The following FBN3 variants were observed in gnomAD, a reference collection of about 807,000 sequenced individuals.
The protein encoded by FBN3 is fibrillin 3.
In FBN3, 234 loss-of-function variants were observed where a neutral mutation model predicts 330.1. That is an observed-to-expected ratio of 0.71 (90% confidence interval 0.64 to 0.79). The LOEUF is 0.79. FBN3 is among the 30% of genes least tolerant of loss of function. FBN3 has a pLI of 0.00. For missense variants in FBN3, 3,606 were observed against 3,886.9 expected (o/e 0.93, Z 1.92); for synonymous variants, 1,458 against 1,517.3 (o/e 0.96, Z 0.91).
chr19:8,111,268 A>G, intron 32 of FBN3, 85 bp from the exon 33 acceptor site: 1 of 1,471,412 alleles, frequency 6.8e-7, no homozygotes, highest in Non-Finnish European at 9.1e-7. Context: ...TCACTGGAAC[A>G]CTTCGCTGTC....
Position 8,102,811 on chromosome 19 carries a change from T to G in FBN3, c.5002A>C (p.Asn1668His). The part of the protein sequence containing the change: ...NGTCQNELAF[N>H]VTRKMCCCSY... ...CAGCAACACATTTTCCGGGTCACGT[T>G]GAAGGCCAGCTCATTTTGACATGTG... The change falls in exon 40 of 64, where the codon AAC becomes CAC. Residue 1668 changes from asparagine to histidine, a missense_variant. By Grantham distance (68) the Asn-to-His change is moderately conservative. Transcript: ENST00000600128. 2 of 1,614,084 alleles carry G rather than the reference T, an allele frequency of 1.2e-6. No individual in the cohort carries two copies. Among genetic ancestry groups the G allele is most frequent in the Non-Finnish European group, 1.7e-6 (2 of 1,180,012 alleles).
chr19:8,103,444 C>A, intron 39 of FBN3, 118 bp downstream of exon 39: 1 of 1,053,382 alleles, frequency 9.5e-7, no homozygotes. Flanking sequence ...TGCCACATGT[C>A]AGCACTTCAT....
At chr19:8,145,680 CAAAAAAAAAA>C (rs56250248) in intron 5 of FBN3, among the ~76,000 whole-genome samples, 153 bp downstream of exon 5, 7 of 108,742 alleles carry the variant, frequency 6.4e-5, no homozygotes, top group Admixed American at 9.7e-5. Context: ...GACTCTGTCT[CAAAAAAAAAA>C]AAAAAAAAAA....
rs1392591581 is a variant in FBN3, at chr19:8,087,812, T to G, written c.6619+13A>C. On this transcript the variant is annotated intron_variant, in intron 53 of 63. Coordinates refer to ENST00000600128, the MANE Select transcript of FBN3 (RefSeq NM_032447.5). ...TAGTAGAGACAGGGTTTTACCATAT[T>G]AGTCAGGCCTACCTCGACACATGGC... is the stretch of plus-strand genomic sequence containing the variant. The G allele has an allele frequency of 1.2e-6, 2 of 1,610,700 alleles. No homozygotes were observed. Among genetic ancestry groups the G allele is most frequent in the Non-Finnish European group, 1.7e-6 (2 of 1,177,030 alleles).
chr19:8,136,222 AAGCCCGGGT>A lies in FBN3; in HGVS notation c.1424_1432del (p.Tyr475_Gly477del). On this transcript the variant is annotated inframe_deletion, in exon 12 of 64. Transcript: ENST00000600128. ...TGCCTGCCTGGTGGGCGTGGCCTGG[AAGCCCGGGT>A]AGCACCGGCAGTGGTAGGTGCCGGG... 6.2e-7 allele frequency: 1 copy of A among 1,612,692 alleles called. No individual in the cohort carries two copies. The highest frequency in any genetic ancestry group is 1.7e-5 in the Admixed American group (1 of 59,896).
rs182716206 is a variant in FBN3, at chr19:8,081,349, G to C, written c.7336+9C>G. The C allele has an allele frequency of 6.3e-7, 1 of 1,592,748 alleles. No homozygotes were observed. Among genetic ancestry groups the C allele is most frequent in the Non-Finnish European group, 8.5e-7 (1 of 1,169,744 alleles). On this transcript the variant is annotated intron_variant, in intron 58 of 63. Coordinates refer to ENST00000600128, the MANE Select transcript of FBN3 (RefSeq NM_032447.5). ...TGGTGGGAGTGGGGGAGAGTTGAAAGGACATCACCTTTGCAGGTCCTGCCA... is the reference window on the plus strand; with the variant it reads ...TGGTGGGAGTGGGGGAGAGTTGAAACGACATCACCTTTGCAGGTCCTGCCA...
intron 21 of FBN3, 37 bp from the exon 22 acceptor site, chr19:8,126,054 A>G: frequency 6.2e-7 from 1 of 1,612,718 alleles, no homozygotes; most frequent in Non-Finnish European, 8.5e-7. Flanking sequence ...GGGTCCAGGG[A>G]GGGGAAGGGT....
chr19:8,130,612 GAAAGAAAGAAAGAAAGAAAGAAAGAAA>G (rs2083109770), intron 16 of FBN3, among the ~76,000 whole-genome samples: 1 of 6,802 alleles, frequency 1.5e-4, no homozygotes, highest in African/African-American at 1.1e-3. Flanking sequence ...AAGAAAGAAA[GAAAGAAAGAAAGAAAGAAAGAAAGAAA>G]GAAAGGAAAG....
At chr19:8,147,675 A>G in intron 1 of FBN3, 178 bp from the exon 2 acceptor site, 1 of 475,418 alleles carries the variant, frequency 2.1e-6, no homozygotes, top group Admixed American at 3.8e-5. Context: ...GGCTTCCTGG[A>G]GGAGGTGTGA....
At chr19:8,126,268 G>C (rs1383110913) in intron 21 of FBN3, 29 bp downstream of exon 21, 1 of 1,578,972 alleles carries the variant, frequency 6.3e-7, no homozygotes, top group Admixed American at 1.9e-5. Flanking sequence ...CTGGAGTAGG[G>C]GGTGAGCTGG....
At chr19:8,081,847 T>A (rs963144705) in intron 57 of FBN3, among the ~76,000 whole-genome samples, 3 of 147,468 alleles carry the variant, frequency 2.0e-5, no homozygotes, top group African/African-American at 7.6e-5. Context: ...AAAACACAAC[T>A]GAAAAATATC....
At position 8,129,472 on chromosome 19, in the gene FBN3, A is replaced by C; in HGVS notation, c.2045-107T>G. On this transcript the variant is annotated intron_variant, in intron 16 of 63. Transcript: ENST00000600128. The surrounding 1 kb of genome is among the most constrained non-coding windows in gnomAD (Gnocchi z 4.5). ...GGGGTCTCTAGAAGTCAGATTCCCC[A>C]AGGCCATAGCTCCAGCCCAGACCCG... 6.9e-7 allele frequency: 1 copy of C among 1,454,634 alleles called. No homozygotes were observed. Among genetic ancestry groups the C allele is most frequent in the Non-Finnish European group, 9.4e-7 (1 of 1,065,194 alleles). The allele number at this position is 1,454,634 out of a possible 1,614,324, so 90.1% of individuals were successfully genotyped here.
At chr19:8,072,007 C>G in intron 63 of FBN3, 41 bp downstream of exon 63, 2 of 1,584,360 alleles carry the variant, frequency 1.3e-6, no homozygotes, top group Non-Finnish European at 1.7e-6. Context: ...CACACTCACC[C>G]ATTCCCTGGC....
At position 8,072,147 on chromosome 19, in the gene FBN3, G is replaced by C. The variant is rs775163446; in HGVS notation, c.7989C>G (p.Asp2663Glu). 1 of 1,601,744 alleles carries C rather than the reference G, an allele frequency of 6.2e-7. No homozygotes were observed. Among genetic ancestry groups the C allele is most frequent in the Non-Finnish European group, 8.5e-7 (1 of 1,174,540 alleles). The change falls in exon 63 of 64, where the codon GAC (aspartate) becomes GAG (glutamate). Residue 2663 changes from aspartate to glutamate, a missense_variant. Transcript: ENST00000600128. ...GFSPGPQDTP[D>E]KEELLSSEAC... Reference sequence around the variant, plus strand: ...CTTCAGACGAGAGCAGCTCCTCTTTGTCCGGGGTGTCCTGGGGTCCGGGGC... The same window carrying C: ...CTTCAGACGAGAGCAGCTCCTCTTTCTCCGGGGTGTCCTGGGGTCCGGGGC...
chr19:8,081,594 AG>A, intron 57 of FBN3, 114 bp from the exon 58 acceptor site: 1 of 1,212,222 alleles, frequency 8.2e-7, no homozygotes, highest in Non-Finnish European at 1.1e-6. Context: ...GGACTTACAC[AG>A]GAATGAACAC....
chr19:8,092,049 G>A (rs559761039), intron 47 of FBN3, among the ~76,000 whole-genome samples: 5 of 151,890 alleles, frequency 3.3e-5, no homozygotes, highest in Non-Finnish European at 5.9e-5. Context: ...GTGGTGGTGG[G>A]CGCCTGTAGT....
At chr19:8,127,060 T>TTTG (rs1568434896) in intron 18 of FBN3, among the ~76,000 whole-genome samples, 5 of 93,570 alleles carry the variant, frequency 5.3e-5, no homozygotes, top group African/African-American at 1.8e-4. Context: ...TTTTTTTTTG[T>TTTG]TTTTTTTTTT....
intron 5 of FBN3, among the ~76,000 whole-genome samples, chr19:8,145,370 T>A (rs2083508900): frequency 4.1e-5 from 2 of 49,098 alleles, no homozygotes; most frequent in East Asian, 5.8e-4. Flanking sequence ...CAAAACTCCA[T>A]CTCAAAAAAA....
intron 47 of FBN3, among the ~76,000 whole-genome samples, chr19:8,092,772 C>CT (rs2082125382): frequency 6.8e-6 from 1 of 146,840 alleles, no homozygotes. Context: ...TTGGATGGGG[C>CT]TGGAGGCCGT....
Sources: allele counts gnomAD v4.1 joint callset (sites outside exome capture counted in the v4.1 genomes callset), GRCh38; gene constraint gnomAD v4.1.1; non-coding constraint Gnocchi (gnomAD v3.1); transcripts MANE v1.5; gene names NCBI Gene and HGNC (gene_info 2026-07-23, HGNC 2026-07-21).